The following PTPRM variants were observed in gnomAD, a reference collection of about 807,000 sequenced individuals.
PTPRM encodes protein tyrosine phosphatase receptor type M, also known as receptor-type tyrosine-protein phosphatase mu.
Under a neutral mutation model 186.7 loss-of-function variants are expected in PTPRM, and 47 were observed. The observed-to-expected ratio is 0.25, with a 90% confidence interval of 0.20 to 0.32. The LOEUF (loss-of-function observed/expected upper bound fraction) is 0.32. PTPRM is among the 10% of genes least tolerant of loss of function. PTPRM has a pLI of 1.00. For missense variants in PTPRM, 1,494 were observed against 1,865.0 expected, an observed-to-expected ratio of 0.80 and a Z score of 3.66; for synonymous variants, 668 against 674.9, an observed-to-expected ratio of 0.99 and a Z score of 0.16.
At chr18:8,164,360 AGAAAT>A (rs1257385537) in intron 14 of PTPRM, among the ~76,000 whole-genome samples, 3 of 152,390 alleles carry the variant, frequency 2.0e-5, no homozygotes, top group East Asian at 3.9e-4. Context: ...TATGTCCAAA[AGAAAT>A]GAAAACAGGG....
chr18:7,932,240 G>A (rs948081684), intron 5 of PTPRM, among the ~76,000 whole-genome samples: 2 of 152,188 alleles, frequency 1.3e-5, no homozygotes, highest in African/African-American at 2.4e-5. Context: ...TGAGTGAATA[G>A]CAGTTGGCAG....
At chr18:8,341,972 G>T (rs181503866) in intron 22 of PTPRM, among the ~76,000 whole-genome samples, 33 of 152,312 alleles carry the variant, frequency 2.2e-4, no homozygotes, top group African/African-American at 7.0e-4. Flanking sequence ...AGAGTGCATG[G>T]TCCCTTCCCC....
chr18:8,314,823 C>G lies in PTPRM; in HGVS notation c.2885C>G (p.Thr962Arg). Residue 962 changes from threonine to arginine, a missense_variant, in exon 21 of 33, where the codon ACA (threonine) becomes AGA (arginine). This residue lies in a region of PTPRM where 1,107 missense variants were observed against 1,350.2 expected (regional missense o/e 0.82). Coordinates refer to ENST00000580170, the MANE Select transcript of PTPRM (RefSeq NM_001105244.2). The stretch of plus-strand genomic sequence containing the variant: ...AGGCTGCAGACAATAGAAGGAGACA[C>G]AAACTCAGACTATATCAATGGCAAT... ...RVRLQTIEGD[T>R]NSDYINGNYI... 1 of 1,610,424 alleles carries G rather than the reference C, an allele frequency of 6.2e-7. No homozygotes were observed. The highest frequency in any genetic ancestry group is 8.5e-7 in the Non-Finnish European group (1 of 1,177,120).
intron 7 of PTPRM, among the ~76,000 whole-genome samples, chr18:8,006,239 A>G (rs1304683117): frequency 6.6e-6 from 1 of 152,202 alleles, no homozygotes; most frequent in East Asian, 1.9e-4. Context: ...CCAAGTAAAC[A>G]TTTATAAATA....
At chr18:8,148,016 CT>C (rs2092924383) in intron 14 of PTPRM, among the ~76,000 whole-genome samples, 1 of 152,180 alleles carries the variant, frequency 6.6e-6, no homozygotes, top group Non-Finnish European at 1.5e-5. Flanking sequence ...GGTGGATAAG[CT>C]TTTTAATGTG....
At chr18:8,388,924 G>A (rs975062598) in intron 31 of PTPRM, among the ~76,000 whole-genome samples, 19 of 152,210 alleles carry the variant, frequency 1.2e-4, no homozygotes, top group Middle Eastern at 3.4e-3. Context: ...TGGCGCCACT[G>A]CACTCCAGCC....
At chr18:8,131,065 A>G (rs2092492642) in intron 13 of PTPRM, among the ~76,000 whole-genome samples, 1 of 152,196 alleles carries the variant, frequency 6.6e-6, no homozygotes. Context: ...TTTATGGCCC[A>G]TGAGGCTTTC....
At chr18:8,342,519 C>T (rs1161419077) in intron 22 of PTPRM, among the ~76,000 whole-genome samples, 1 of 152,196 alleles carries the variant, frequency 6.6e-6, no homozygotes, top group East Asian at 1.9e-4. Context: ...CAATTGGGTT[C>T]TGGTCCTGGA....
intron 19 of PTPRM, among the ~76,000 whole-genome samples, chr18:8,286,291 A>G (rs763708377): frequency 8.5e-4 from 130 of 152,224 alleles, no homozygotes; most frequent in Non-Finnish European, 1.6e-3. Context: ...TCAGATGACT[A>G]CGACATTCAC....
chr18:8,146,124 G>A (rs2092880290), intron 14 of PTPRM, among the ~76,000 whole-genome samples: 1 of 150,492 alleles, frequency 6.6e-6, no homozygotes, highest in Non-Finnish European at 1.5e-5. Context: ...CGCCTCCCAG[G>A]TTCAAGCAAT....
intron 2 of PTPRM, among the ~76,000 whole-genome samples, chr18:7,785,275 A>C (rs1392414362): frequency 6.6e-6 from 1 of 152,196 alleles, no homozygotes; most frequent in Non-Finnish European, 1.5e-5. Context: ...ATTTCTGATA[A>C]GAGTGTCTCC....
chr18:8,282,017 G>A (rs2094909122), intron 19 of PTPRM, among the ~76,000 whole-genome samples: 1 of 151,932 alleles, frequency 6.6e-6, no homozygotes, highest in Admixed American at 6.6e-5. Context: ...AAGACTGGGG[G>A]AAAATATTTA....
At chr18:8,356,863 C>T (rs1023355756) in intron 23 of PTPRM, among the ~76,000 whole-genome samples, 6 of 152,160 alleles carry the variant, frequency 3.9e-5, no homozygotes, top group Non-Finnish European at 7.3e-5. Context: ...CATTCTTACC[C>T]CACACCTTAC....
intron 11 of PTPRM, among the ~76,000 whole-genome samples, chr18:8,093,718 G>T (rs923483188): frequency 1.4e-4 from 22 of 152,118 alleles, no homozygotes; most frequent in Non-Finnish European, 2.9e-5. Context: ...ATCATTATGT[G>T]ATTGTGGTTA....
chr18:8,399,269 A>G (rs2095859956), intron 32 of PTPRM, among the ~76,000 whole-genome samples: 1 of 152,182 alleles, frequency 6.6e-6, no homozygotes, highest in Admixed American at 6.5e-5. Context: ...AGCTCAGGAA[A>G]ACCGGGTCGC....
intron 2 of PTPRM, among the ~76,000 whole-genome samples, chr18:7,784,590 CTA>C (rs1346566231): frequency 6.6e-6 from 1 of 152,176 alleles, no homozygotes; most frequent in African/African-American, 2.4e-5. Flanking sequence ...TTTTATAAAA[CTA>C]TGTTTCAGCT....
intron 20 of PTPRM, among the ~76,000 whole-genome samples, chr18:8,298,733 C>T (rs769410479): frequency 7.9e-5 from 12 of 152,164 alleles, no homozygotes; most frequent in Non-Finnish European, 1.6e-4. Context: ...AAGAGTTTCA[C>T]GGTTAATAAG....
At chr18:7,936,771 G>A (rs1477882463) in intron 5 of PTPRM, among the ~76,000 whole-genome samples, 1 of 152,138 alleles carries the variant, frequency 6.6e-6, no homozygotes, top group African/African-American at 2.4e-5. Flanking sequence ...GCCCACCCAT[G>A]GCCACCCATG....
At chr18:8,367,394 A>G (rs934899747) in intron 23 of PTPRM, among the ~76,000 whole-genome samples, 5 of 152,230 alleles carry the variant, frequency 3.3e-5, no homozygotes, top group Non-Finnish European at 5.9e-5. Flanking sequence ...CCTCCCTCGC[A>G]ATTACCGCCG....
Sources: gnomAD v4.1 joint callset for allele counts (sites outside exome capture counted in the v4.1 genomes callset) on GRCh38, gnomAD v4.1.1 for gene constraint, gnomAD v4.1.1 regional missense constraint, MANE v1.5 for transcripts, NCBI Gene and HGNC (gene_info 2026-07-23, HGNC 2026-07-21) for gene names.